SLC8A1: variants seen among roughly 807,000 people sequenced by gnomAD.
SLC8A1 encodes sodium/calcium exchanger 1.
In SLC8A1, 18 loss-of-function variants were observed where a neutral mutation model predicts 68.3. The ratio of observed to expected loss-of-function variants is 0.26; its 90% confidence interval spans 0.18 to 0.39. SLC8A1 has a LOEUF of 0.39. Ranked by LOEUF, SLC8A1 falls within the 10% of genes least tolerant of loss-of-function variation. The pLI is 1.00. For missense variants in SLC8A1, 985 were observed against 1,156.7 expected (o/e 0.85, Z 2.15); for synonymous variants, 475 against 415.5 (o/e 1.14, Z -1.74).
exon 8 of SLC8A1, chr2:40,098,883 T>C (rs930652394): frequency 6.6e-6 from 1 of 152,070 alleles, no homozygotes; most frequent in Admixed American, 6.6e-5. Flanking sequence ...TACAGATCAT[T>C]AAACAATGGT....
intron 2 of SLC8A1, among the ~76,000 whole-genome samples, chr2:40,385,829 A>G (rs1683376215): frequency 6.6e-6 from 1 of 151,372 alleles, no homozygotes. Flanking sequence ...TAAAATTAAA[A>G]TAGTCCTGGA....
intron 6 of SLC8A1, among the ~76,000 whole-genome samples, chr2:40,153,087 T>TA (rs527351626): frequency 2.0e-5 from 3 of 152,206 alleles, no homozygotes; most frequent in Admixed American, 2.0e-4. Flanking sequence ...GCTTACATTT[T>TA]AAAAAAATAT....
chr2:40,127,915 C>G (rs905453760), intron 7 of SLC8A1, among the ~76,000 whole-genome samples: 3 of 152,126 alleles, frequency 2.0e-5, no homozygotes, highest in African/African-American at 7.2e-5. Context: ...CGGGCACTAA[C>G]GGAGTTAGTG....
chr2:40,365,515 G>A (rs764516472), intron 2 of SLC8A1, among the ~76,000 whole-genome samples: 6 of 151,980 alleles, frequency 3.9e-5, no homozygotes, highest in Non-Finnish European at 8.8e-5. Context: ...AGAAGTAACA[G>A]CACTGCTCAA....
intron 1 of SLC8A1, among the ~76,000 whole-genome samples, chr2:40,434,984 G>A (rs1357672288): frequency 1.3e-5 from 2 of 152,128 alleles, no homozygotes; most frequent in Admixed American, 1.3e-4. Flanking sequence ...TTGGCAGCAC[G>A]GTGACCATTC....
intron 2 of SLC8A1, among the ~76,000 whole-genome samples, chr2:40,374,468 A>G (rs1211433144): frequency 2.0e-5 from 3 of 151,948 alleles, no homozygotes; most frequent in South Asian, 2.1e-4. Flanking sequence ...GTGTGTGTGT[A>G]TATATATATG....
At chr2:40,386,380 C>G (rs1181720114) in intron 2 of SLC8A1, among the ~76,000 whole-genome samples, 1 of 150,982 alleles carries the variant, frequency 6.6e-6, no homozygotes, top group Non-Finnish European at 1.5e-5. Context: ...CTTTCCTTGG[C>G]TCAAACCTGA....
intron 2 of SLC8A1, among the ~76,000 whole-genome samples, chr2:40,396,748 T>TAACAAAAAAAAAAAAAAAAA (rs1687029232): frequency 1.1e-5 from 1 of 87,086 alleles, no homozygotes; most frequent in Non-Finnish European, 2.1e-5. Context: ...CTCTAATAAC[T>TAACAAAAAAAAAAAAAAAAA]AAAAAAAAAA....
At chr2:40,461,534 C>T (rs1402776734) in intron 1 of SLC8A1, among the ~76,000 whole-genome samples, 2 of 152,122 alleles carry the variant, frequency 1.3e-5, no homozygotes, top group East Asian at 1.9e-4. Flanking sequence ...GCCCACTCCG[C>T]GCCCCTGCAC....
chr2:40,222,733 A>G (rs1321323181), intron 2 of SLC8A1, among the ~76,000 whole-genome samples: 1 of 152,226 alleles, frequency 6.6e-6, no homozygotes, highest in Non-Finnish European at 1.5e-5. Flanking sequence ...CCTCTTAAAG[A>G]AAACATTTAT....
At chr2:40,253,041 G>GATATGTATATACA (rs1558967108) in intron 2 of SLC8A1, among the ~76,000 whole-genome samples, 3 of 29,318 alleles carry the variant, frequency 1.0e-4, no homozygotes, top group Non-Finnish European at 4.9e-4. Context: ...ATATGTATCA[G>GATATGTATATACA]TATATGTATA....
chr2:40,346,252 G>A (rs987213535), intron 2 of SLC8A1, among the ~76,000 whole-genome samples: 1 of 151,958 alleles, frequency 6.6e-6, no homozygotes, highest in Non-Finnish European at 1.5e-5. Flanking sequence ...GAGGAGTGAC[G>A]AGATGGCTGA....
At chr2:40,098,879 T>A (rs1375338526) in exon 8 of SLC8A1, 1 of 152,062 alleles carries the variant, frequency 6.6e-6, no homozygotes, top group African/African-American at 2.4e-5. Context: ...ATTTTACAGA[T>A]CATTAAACAA....
chr2:40,224,856 C>G (rs2058774062), intron 2 of SLC8A1, among the ~76,000 whole-genome samples: 1 of 151,976 alleles, frequency 6.6e-6, no homozygotes, highest in Non-Finnish European at 1.5e-5. Flanking sequence ...AAAAACAACC[C>G]CATCAAAAAG....
intron 2 of SLC8A1, among the ~76,000 whole-genome samples, chr2:40,367,104 A>G (rs1001292853): frequency 1.3e-5 from 2 of 151,994 alleles, no homozygotes; most frequent in Non-Finnish European, 2.9e-5. Context: ...AAGAGTCATA[A>G]GATCTTCCTA....
At chr2:40,267,692 C>T (rs568749823) in intron 2 of SLC8A1, among the ~76,000 whole-genome samples, 37 of 152,326 alleles carry the variant, frequency 2.4e-4, no homozygotes, top group African/African-American at 8.9e-4. Flanking sequence ...CAGAGTATGA[C>T]AGGTTGAGTG....
chr2:40,294,733 G>C (rs2070010001), intron 2 of SLC8A1, among the ~76,000 whole-genome samples: 1 of 152,032 alleles, frequency 6.6e-6, no homozygotes, highest in Non-Finnish European at 1.5e-5. Flanking sequence ...AGTTATGTAT[G>C]CCTGGTTTTA....
In SLC8A1 at chr2:40,396,748, T is replaced by TAAAAAAAAAAAAAAAAAAAAAAAAAAAAA. The variant is rs368483768; in HGVS notation, c.1808+31696_1808+31724dup. On this transcript the variant is annotated intron_variant, in intron 2 of 7. Coordinates refer to ENST00000406785, the Ensembl canonical transcript of SLC8A1. ...TTTAACCTCCATCATCTCTAATAAC[T>TAAAAAAAAAAAAAAAAAAAAAAAAAAAAA]AAAAAAAAAAAAAAAAAAAAAAAAA... is the stretch of plus-strand genomic sequence containing the variant. 1.6e-4 allele frequency among the ~76,000 whole-genome samples: 14 copies of TAAAAAAAAAAAAAAAAAAAAAAAAAAAAA among 87,086 alleles called. 1 individual carries two copies. The highest frequency in any genetic ancestry group is 3.7e-4 in the African/African-American group (6 of 16,132). The allele number at this position is 87,086 out of a possible 152,430, so 57.1% of individuals were successfully genotyped here. A position where few individuals can be genotyped will look rare whatever the true frequency, so the allele number is the denominator to read the frequency against.
rs570219264 is a variant in SLC8A1 at position 40,505,112 on chromosome 2, T to G, written c.-25+7237A>C. Among the ~76,000 whole-genome samples the G allele has an allele frequency of 3.0e-4, 45 of 151,950 alleles. 2 individuals are homozygous for G. The South Asian group carries it at 9.1e-3, about 31-fold the overall frequency. The stretch of plus-strand genomic sequence containing the variant: ...AAAATGTGGCACATATACACAATGG[T>G]GTACTATTTAGTTCTGATGTTTCTA... On this transcript the variant is annotated intron_variant, in intron 1 of 7. Transcript: ENST00000402441.
Sources: allele counts gnomAD v4.1 joint callset (sites outside exome capture counted in the v4.1 genomes callset), GRCh38; gene constraint gnomAD v4.1.1; transcripts MANE v1.5; gene names NCBI Gene and HGNC (gene_info 2026-07-23, HGNC 2026-07-21).